MRTFB: variants seen among roughly 807,000 people sequenced by gnomAD.
MRTFB encodes the protein myocardin-related transcription factor B.
A neutral mutation model predicts 104.2 loss-of-function variants in MRTFB; 29 were observed. The ratio of observed to expected loss-of-function variants is 0.28; its 90% CI spans 0.21 to 0.38. MRTFB has a LOEUF of 0.38. Among genes scored for constraint, MRTFB ranks in the 10% least tolerant of loss-of-function variants. MRTFB has a pLI of 1.00. For missense variants in MRTFB, 1,270 were observed against 1,341.6 expected, an observed-to-expected ratio of 0.95 and a Z score of 0.83; for synonymous variants, 535 against 519.5, an observed-to-expected ratio of 1.03 and a Z score of -0.41.
At chr16:14,030,729 C>A in the MRTFB span, among the ~76,000 whole-genome samples, 1 of 152,186 alleles carries the variant, frequency 6.6e-6, no homozygotes, top group African/African-American at 2.4e-5. Flanking sequence ...CAGAGCCGAT[C>A]CAATCAGGCA....
At chr16:14,224,365 CTTTACAGTGTAAATGGTTTTTTTACTACA>C (rs922463159) in intron 8 of MRTFB, among the ~76,000 whole-genome samples, 4 of 152,146 alleles carry the variant, frequency 2.6e-5, no homozygotes, top group East Asian at 1.9e-4. Flanking sequence ...TACAGTGTGC[CTTTACAGTGTAAATGGTTTTTTTACTACA>C]TTTACAGTGT....
In MRTFB at chr16:14,210,265, A is replaced by G; in HGVS notation, c.177A>G (p.Gln59=). 1.9e-6 allele frequency: 3 copies of G among 1,613,406 alleles called. No homozygotes were observed. The highest frequency in any genetic ancestry group is 1.1e-5 in the South Asian group (1 of 90,876). ...RKNVLQLRLQ[Q]RRTREQLVDQ... The stretch of plus-strand genomic sequence containing the variant: ...CAGTGCTCCAGCTGAGGCTGCAACA[A>G]AGGAGGACGAGAGAACAACTAGTGG... Residue 59 remains glutamine, a synonymous_variant, in exon 4 of 17, where the codon CAA becomes CAG. Coordinates refer to ENST00000571589, the MANE Select transcript of MRTFB (RefSeq NM_001308142.2).
At chr16:14,113,487 A>G (rs2036381559) in intron 2 of MRTFB, among the ~76,000 whole-genome samples, 1 of 152,270 alleles carries the variant, frequency 6.6e-6, no homozygotes, top group Non-Finnish European at 1.5e-5. Flanking sequence ...GAAGGAGGAA[A>G]TGATTTATTC....
At chr16:14,144,205 G>C (rs1394686942) in intron 3 of MRTFB, 1 of 152,154 alleles carries the variant, frequency 6.6e-6, no homozygotes, top group Non-Finnish European at 1.5e-5. Flanking sequence ...CGGAGTAAAT[G>C]AAAGAACATC....
intron 2 of MRTFB, among the ~76,000 whole-genome samples, chr16:14,119,258 G>A (rs4781575): frequency 0.069 from 10,548 of 152,194 alleles, 676 homozygotes; most frequent in African/African-American, 0.17. Flanking sequence ...AGAAACCGTC[G>A]GATTGGTTAT....
chr16:14,004,168 T>A, the MRTFB span, among the ~76,000 whole-genome samples: 1 of 152,240 alleles, frequency 6.6e-6, no homozygotes, highest in Admixed American at 6.5e-5. Context: ...GGACCTTGAT[T>A]TCTGTAGGAC....
Position 14,112,172 on chromosome 16 carries a change from C to A in MRTFB, c.-63-28372C>A, listed in dbSNP as rs778060337. The stretch of plus-strand genomic sequence containing the variant: ...GACCCTGAAGCAGAAAGAGTAAGAG[C>A]CCATATCAAGGGAGGTAGGAAAGGA... On this transcript the variant is annotated intron_variant, in intron 2 of 16. Coordinates refer to ENST00000571589, the MANE Select transcript of MRTFB (RefSeq NM_001308142.2). Among the ~76,000 whole-genome samples the A allele has an allele frequency of 6.5e-4, 99 of 152,194 alleles. 2 individuals are homozygous for A. The highest frequency in any genetic ancestry group is 3.4e-3 in the Middle Eastern group (1 of 294).
intron 3 of MRTFB, among the ~76,000 whole-genome samples, chr16:14,170,933 G>A (rs1453748506): frequency 6.6e-6 from 1 of 152,132 alleles, no homozygotes; most frequent in Non-Finnish European, 1.5e-5. Context: ...TTTAAAAAAA[G>A]TTTTTGTTCT....
the MRTFB span, among the ~76,000 whole-genome samples, chr16:14,021,574 T>C: frequency 4.6e-5 from 7 of 152,176 alleles, no homozygotes; most frequent in Non-Finnish European, 2.9e-5. Flanking sequence ...CCTCATCCCC[T>C]TCCCACCCTT....
At chr16:14,029,763 C>T in the MRTFB span, among the ~76,000 whole-genome samples, 3 of 152,124 alleles carry the variant, frequency 2.0e-5, no homozygotes, top group Admixed American at 2.0e-4. Flanking sequence ...CTGTCCAGCT[C>T]TGAAGGCAGA....
chr16:14,035,809 T>C, the MRTFB span, among the ~76,000 whole-genome samples: 1 of 151,986 alleles, frequency 6.6e-6, no homozygotes, highest in Non-Finnish European at 1.5e-5. Context: ...ATTTGTGAGA[T>C]TTTGGTGCAC....
the MRTFB span, among the ~76,000 whole-genome samples, chr16:14,026,231 T>C: frequency 6.6e-6 from 1 of 152,212 alleles, no homozygotes; most frequent in African/African-American, 2.4e-5. Flanking sequence ...TACTATATAG[T>C]TAAAATCATT....
the MRTFB span, among the ~76,000 whole-genome samples, chr16:14,045,016 G>T: frequency 3.8e-4 from 58 of 152,072 alleles, no homozygotes; most frequent in Non-Finnish European, 6.3e-4. Context: ...TTTCATCTGG[G>T]GTCTGGTTGC....
At chr16:14,106,735 G>A (rs1242460024) in intron 2 of MRTFB, among the ~76,000 whole-genome samples, 2 of 152,164 alleles carry the variant, frequency 1.3e-5, no homozygotes, top group Admixed American at 6.5e-5. Context: ...TCCCATGCTT[G>A]CTGGATGACA....
At chr16:14,062,329 G>A in the MRTFB span, among the ~76,000 whole-genome samples, 3 of 152,100 alleles carry the variant, frequency 2.0e-5, no homozygotes, top group African/African-American at 7.2e-5. Context: ...TGAACTCCAG[G>A]CTTCAAGTGA....
At chr16:14,046,530 T>C in the MRTFB span, among the ~76,000 whole-genome samples, 1 of 152,086 alleles carries the variant, frequency 6.6e-6, no homozygotes, top group African/African-American at 2.4e-5. Context: ...TCATATTGGG[T>C]TTCATTTCCA....
chr16:14,090,412 C>T (rs977903489), intron 2 of MRTFB, among the ~76,000 whole-genome samples: 2 of 152,134 alleles, frequency 1.3e-5, no homozygotes, highest in East Asian at 3.8e-4. Context: ...TGTTCTGCGT[C>T]GCTTAAAATG....
chr16:14,066,096 C>A, the MRTFB span, among the ~76,000 whole-genome samples: 1 of 152,168 alleles, frequency 6.6e-6, no homozygotes, highest in Non-Finnish European at 1.5e-5. Flanking sequence ...GACATACTAG[C>A]TGGCACTTAA....
the MRTFB span, among the ~76,000 whole-genome samples, chr16:14,021,666 C>T: frequency 1.3e-5 from 2 of 152,182 alleles, no homozygotes; most frequent in Non-Finnish European, 2.9e-5. Flanking sequence ...TAAGTGAGAA[C>T]ATACAATGTT....
Sources: gnomAD v4.1 joint callset for allele counts (sites outside exome capture counted in the v4.1 genomes callset) on GRCh38, gnomAD v4.1.1 for gene constraint, MANE v1.5 for transcripts, NCBI Gene and HGNC (gene_info 2026-07-23, HGNC 2026-07-21) for gene names.